Variants in PDCD1 observed in about 807,000 individuals in gnomAD.
The protein encoded by PDCD1 is programmed cell death 1, also known as programmed cell death protein 1.
In PDCD1, 10 loss-of-function variants were observed where a neutral mutation model predicts 23.6. The observed-to-expected ratio is 0.42, with a 90% CI of 0.26 to 0.72. The LOEUF is 0.72. PDCD1 is among the 30% of genes least tolerant of loss of function. The pLI is 0.24. For missense variants in PDCD1, 313 were observed against 397.8 expected (o/e 0.79, Z 1.81); for synonymous variants, 168 against 169.3 (o/e 0.99, Z 0.06).
At chr2:241,858,594 C>T (rs555367068) in intron 1 of PDCD1, among the ~76,000 whole-genome samples, 169 bp downstream of exon 1, 134 of 152,240 alleles carry the variant, frequency 8.8e-4, no homozygotes, top group African/African-American at 3.0e-3. Flanking sequence ...CAGCACCCCC[C>T]GACCTGCCAG....
intron 1 of PDCD1, among the ~76,000 whole-genome samples, chr2:241,854,421 C>T (rs1342785120): frequency 2.0e-5 from 3 of 152,310 alleles, no homozygotes; most frequent in East Asian, 1.9e-4. Flanking sequence ...TAGGCGTGTG[C>T]GGCGTGGGCC....
chr2:241,853,949 G>A (rs1208528538), intron 1 of PDCD1, among the ~76,000 whole-genome samples: 1 of 152,250 alleles, frequency 6.6e-6, no homozygotes, highest in Non-Finnish European at 1.5e-5. Context: ...GGCCCTGGTT[G>A]CCACAGCTGC....
At position 241,851,006 on chromosome 2, in the gene PDCD1, A is replaced by G; in HGVS notation, c.*52T>C. ...CTGCTTCTCCTGAGGAAATGCGCTG[A>G]CCCGGGCTCATGGTGGAGGGTCTGC... On this transcript the variant is annotated 3_prime_UTR_variant, in exon 5 of 5. Transcript: ENST00000334409. The G allele has an allele frequency of 6.4e-7, 1 of 1,572,480 alleles. No homozygotes were observed. Among genetic ancestry groups the G allele is most frequent in the Non-Finnish European group, 8.6e-7 (1 of 1,158,060 alleles).
chr2:241,855,612 C>T (rs900645390), intron 1 of PDCD1, among the ~76,000 whole-genome samples: 3 of 152,148 alleles, frequency 2.0e-5, no homozygotes, highest in East Asian at 3.9e-4. Flanking sequence ...TGTGAGGTGG[C>T]GGTGGGGGTG....
At position 241,852,228 on chromosome 2, in the gene PDCD1, G is replaced by A. The variant is rs1031926698; in HGVS notation, c.562C>T (p.Leu188=). 2.5e-6 allele frequency: 4 copies of A among 1,610,886 alleles called. No homozygotes were observed. The highest frequency in any genetic ancestry group is 3.4e-6 in the Non-Finnish European group (4 of 1,179,408). ...GCGGCCCGGGAGCAGATGACGGCCA[G>A]GACCCAGACTAGCAGCACCAGGCTG... ...LGSLVLLVWV[L]AVICSRAARG... is the part of the protein sequence containing the mutation. Residue 188 remains leucine, a synonymous_variant, in exon 3 of 5, where the codon CTG becomes TTG. Coordinates refer to ENST00000334409, the MANE Select transcript of PDCD1 (RefSeq NM_005018.3).
At position 241,855,931 on chromosome 2, in the gene PDCD1, C is replaced by T. The variant is rs41518944; in HGVS notation, c.76+2832G>A. Among the ~76,000 whole-genome samples, 815 of 152,296 alleles carry T rather than the reference C, an allele frequency of 5.4e-3. 8 individuals carry two copies. Among genetic ancestry groups the T allele is most frequent in the African/African-American group, 0.019 (802 of 41,552 alleles). On this transcript the variant is annotated intron_variant, in intron 1 of 4. Coordinates refer to ENST00000334409, the MANE Select transcript of PDCD1 (RefSeq NM_005018.3). ...GATTCCTATGTGGAAGTCCTAACCC[C>T]ATGACCTCAGAAGGCGGCCTTATTA...
intron 3 of PDCD1, 21 bp downstream of exon 3, chr2:241,852,177 G>A (rs370448408): frequency 2.1e-5 from 34 of 1,603,076 alleles, no homozygotes; most frequent in East Asian, 4.5e-5. Context: ...AGGGCAGGCC[G>A]AGGGGCTGGG....
At chr2:241,858,667 G>T in intron 1 of PDCD1, 96 bp downstream of exon 1, 2 of 1,083,872 alleles carry the variant, frequency 1.8e-6, no homozygotes, top group Non-Finnish European at 2.7e-6. Flanking sequence ...GCCAGGGCCA[G>T]GCCCGCCTCA....
intron 1 of PDCD1, among the ~76,000 whole-genome samples, chr2:241,857,764 A>AC: frequency 6.6e-6 from 1 of 151,850 alleles, no homozygotes; most frequent in South Asian, 2.1e-4. Context: ...GGGCACCAGG[A>AC]CCCCCGGGGC....
chr2:241,850,162 G>A lies in PDCD1; in HGVS notation c.*896C>T. 1 of 232,598 alleles carries A rather than the reference G, an allele frequency of 4.3e-6. No individual in the cohort carries two copies. Among genetic ancestry groups the A allele is most frequent in the Admixed American group, 5.6e-5 (1 of 17,758 alleles). 14.4% of individuals were successfully genotyped at this position (232,598 alleles called of 1,614,324 possible). On this transcript the variant is annotated 3_prime_UTR_variant, in exon 5 of 5. Transcript: ENST00000334409. ...ATGGGTTCCAAGGAGAGCTCCCAGG[G>A]TGGGCACATGGGGGGCCCTAGGTGC...
intron 1 of PDCD1, among the ~76,000 whole-genome samples, chr2:241,856,453 T>A (rs1467221549): frequency 6.6e-6 from 1 of 152,274 alleles, no homozygotes; most frequent in Admixed American, 6.5e-5. Flanking sequence ...GGGATATTCA[T>A]TGTTTTTAAA....
rs1285578913 is a variant in PDCD1, at chr2:241,858,659, C to T, written c.76+104G>A. 4 of 994,864 alleles carry T rather than the reference C, an allele frequency of 4.0e-6. No individual in the cohort carries two copies. In the African/African-American group the frequency reaches 4.8e-5, roughly 12 times the overall value. 61.6% of individuals were successfully genotyped at this position (994,864 alleles called of 1,614,324 possible). On this transcript the variant is annotated intron_variant, in intron 1 of 4. Coordinates refer to ENST00000334409, the MANE Select transcript of PDCD1 (RefSeq NM_005018.3). ...CCTCGCTCCGGGACCCCTGGGCTGC[C>T]AGGGCCAGGCCCGCCTCAGCACCCC...
chr2:241,850,808 G>C lies in PDCD1; in HGVS notation c.*250C>G. The C allele has an allele frequency of 1.6e-6, 1 of 625,142 alleles. No individual in the cohort carries two copies. The highest frequency in any genetic ancestry group is 2.9e-6 in the Non-Finnish European group (1 of 349,188). 38.7% of individuals were successfully genotyped at this position (625,142 alleles called of 1,614,324 possible). A position where few individuals can be genotyped will look rare whatever the true frequency, so the allele number is the denominator to read the frequency against. ...CTGTGCTGGCAGGACCTGAAGCAGT[G>C]ACTGCATCTGGCCCTCCCTGTAGGG... On this transcript the variant is annotated 3_prime_UTR_variant, in exon 5 of 5. Transcript: ENST00000334409.
chr2:241,851,397 C>T (rs1314754068), intron 4 of PDCD1, 100 bp from the exon 5 acceptor site: 3 of 1,269,908 alleles, frequency 2.4e-6, no homozygotes, highest in South Asian at 2.8e-5. Context: ...CGAACCTGGG[C>T]CCCCCACTAT....
chr2:241,856,480 T>C (rs1701031218), intron 1 of PDCD1, among the ~76,000 whole-genome samples: 2 of 152,252 alleles, frequency 1.3e-5, no homozygotes, highest in Non-Finnish European at 2.9e-5. Flanking sequence ...TGTATATTTT[T>C]CAAAATAGTC....
At chr2:241,858,010 A>C (rs1398269310) in intron 1 of PDCD1, among the ~76,000 whole-genome samples, 2 of 152,128 alleles carry the variant, frequency 1.3e-5, no homozygotes. Flanking sequence ...CAGAGGGCCC[A>C]GGGTCACGGG....
rs41379345 is a variant in PDCD1 at position 241,850,073 on chromosome 2, C to T, written c.*985G>A. The T allele has an allele frequency of 2.3e-3, 514 of 228,440 alleles. 1 individual carries two copies. The highest frequency in any genetic ancestry group is 0.011 in the African/African-American group (475 of 45,084). The allele number at this position is 228,440 out of a possible 1,614,324, so 14.2% of individuals were successfully genotyped here. A position where few individuals can be genotyped will look rare whatever the true frequency, so the allele number is the denominator to read the frequency against. ...GCGGGGGTACTAGGCCCCGGGGGAACGCCTGTACCTTCCCACCCAGGCCCT... is the reference window on the plus strand; with the variant it reads ...GCGGGGGTACTAGGCCCCGGGGGAATGCCTGTACCTTCCCACCCAGGCCCT... On this transcript the variant is annotated 3_prime_UTR_variant, in exon 5 of 5. Coordinates refer to ENST00000334409, the MANE Select transcript of PDCD1 (RefSeq NM_005018.3).
At chr2:241,856,905 G>C (rs1701039489) in intron 1 of PDCD1, among the ~76,000 whole-genome samples, 1 of 152,238 alleles carries the variant, frequency 6.6e-6, no homozygotes, top group Admixed American at 6.5e-5. Flanking sequence ...AGCCTTGCCA[G>C]GAGGCGTCCT....
Position 241,850,176 on chromosome 2 carries a change from G to A in PDCD1, c.*882C>T, listed in dbSNP as rs560497981. On this transcript the variant is annotated 3_prime_UTR_variant, in exon 5 of 5. Coordinates refer to ENST00000334409, the MANE Select transcript of PDCD1 (RefSeq NM_005018.3). ...GAGCTCCCAGGGTGGGCACATGGGG[G>A]GCCCTAGGTGCCTGCACTTCTGCCC... 126 of 232,976 alleles carry A rather than the reference G, an allele frequency of 5.4e-4. No homozygotes were observed. The highest frequency in any genetic ancestry group is 2.2e-3 in the African/African-American group (102 of 45,398). The allele number at this position is 232,976 out of a possible 1,614,324, so 14.4% of individuals were successfully genotyped here. A position where few individuals can be genotyped will look rare whatever the true frequency, so the allele number is the denominator to read the frequency against.
Sources: gnomAD v4.1 joint callset for allele counts (sites outside exome capture counted in the v4.1 genomes callset) on GRCh38, gnomAD v4.1.1 for gene constraint, MANE v1.5 for transcripts, NCBI Gene and HGNC (gene_info 2026-07-23, HGNC 2026-07-21) for gene names.